Variants in LAMP1 observed in about 807,000 individuals in gnomAD.
LAMP1 encodes lysosome-associated membrane glycoprotein 1.
Under a neutral mutation model 37.5 loss-of-function variants are expected in LAMP1, and 7 were observed. The ratio of observed to expected loss-of-function variants is 0.19; its 90% CI spans 0.11 to 0.35. The LOEUF is 0.35. LAMP1 is among the 10% of genes least tolerant of loss of function. The probability of loss-of-function intolerance (pLI) is 1.00; values close to 1 mark genes in which losing one functional copy is unlikely to be tolerated. For missense variants in LAMP1, 537 were observed against 552.8 expected, an observed-to-expected ratio of 0.97 and a Z score of 0.29; for synonymous variants, 236 against 229.1, an observed-to-expected ratio of 1.03 and a Z score of -0.27.
intron 4 of LAMP1, 66 bp from the exon 5 acceptor site, chr13:113,319,403 A>C: frequency 2.8e-6 from 4 of 1,409,478 alleles, no homozygotes; most frequent in Non-Finnish European, 3.9e-6. Flanking sequence ...CTGAGTTTGG[A>C]TCTTACTGTA....
Position 113,321,372 on chromosome 13 carries a change from C to A in LAMP1, c.877-32C>A, listed in dbSNP as rs368051812. ...TAAAGATCATCTTTCTATGAATCTG[C>A]TCCGTGATTAAAGATCATTTTTCTT... On this transcript the variant is annotated intron_variant, in intron 6 of 8. Coordinates refer to ENST00000332556, the MANE Select transcript of LAMP1 (RefSeq NM_005561.4). This position sits in a 1 kb window ranked among gnomAD's most constrained non-coding sequence, Gnocchi z 5.6. 73 of 1,545,370 alleles carry A rather than the reference C, an allele frequency of 4.7e-5. No homozygotes were observed. In the East Asian group the frequency reaches 1.4e-3, roughly 30 times the overall value.
chr13:113,315,121 G>A (rs557792435), intron 4 of LAMP1, among the ~76,000 whole-genome samples: 3 of 136,916 alleles, frequency 2.2e-5, no homozygotes, highest in South Asian at 2.3e-4. Flanking sequence ...GTGTGCCTGG[G>A]GCGTGGCCTC....
At chr13:113,318,794 G>A (rs1184038403) in intron 4 of LAMP1, among the ~76,000 whole-genome samples, 1 of 151,508 alleles carries the variant, frequency 6.6e-6, no homozygotes, top group East Asian at 1.9e-4. Context: ...ATCCCCCACA[G>A]CCCCCTCCCC....
chr13:113,317,676 A>T (rs2042673820), intron 4 of LAMP1, among the ~76,000 whole-genome samples: 1 of 149,770 alleles, frequency 6.7e-6, no homozygotes, highest in Non-Finnish European at 1.5e-5. Flanking sequence ...GTAACATTTT[A>T]TAAAGGAACC....
intron 4 of LAMP1, among the ~76,000 whole-genome samples, chr13:113,316,125 G>A (rs2042662437): frequency 6.6e-6 from 1 of 152,100 alleles, no homozygotes; most frequent in Non-Finnish European, 1.5e-5. Context: ...ACAAAGTAGG[G>A]CAGATGACTG....
Position 113,306,565 on chromosome 13 carries a change from G to T in LAMP1, c.142G>T (p.Ala48Ser), listed in dbSNP as rs767939299. Residue 48 changes from alanine to serine, a missense_variant, in exon 2 of 9, where the codon GCT becomes TCT. Coordinates refer to ENST00000332556, the MANE Select transcript of LAMP1 (RefSeq NM_005561.4). ...CGCGTGCATAATGGCCAACTTCTCTGCTGCCTTCTCAGTGAACTACGACAC... is the reference window on the plus strand; with the variant it reads ...CGCGTGCATAATGGCCAACTTCTCTTCTGCCTTCTCAGTGAACTACGACAC... The part of the protein sequence containing the change: ...GTACIMANFS[A>S]AFSVNYDTKS... 2 of 1,614,100 alleles carry T rather than the reference G, an allele frequency of 1.2e-6. No homozygotes were observed. Among genetic ancestry groups the T allele is most frequent in the South Asian group, 2.2e-5 (2 of 91,066 alleles).
intron 4 of LAMP1, among the ~76,000 whole-genome samples, chr13:113,316,883 AAAAAAG>A (rs1013183310): frequency 2.0e-5 from 3 of 152,118 alleles, no homozygotes; most frequent in Non-Finnish European, 2.9e-5. Context: ...CAAAAAAAAA[AAAAAAG>A]AACTACCATC....
intron 4 of LAMP1, among the ~76,000 whole-genome samples, chr13:113,319,087 G>A (rs535273574): frequency 6.3e-4 from 96 of 152,326 alleles, no homozygotes; most frequent in African/African-American, 2.2e-3. Context: ...AGCTTCCTGC[G>A]TCCACTCCTT....
intron 1 of LAMP1, chr13:113,306,281 T>G (rs1467701166): frequency 2.5e-6 from 1 of 393,000 alleles, no homozygotes; most frequent in Non-Finnish European, 4.6e-6. Flanking sequence ...TGCTTGAACC[T>G]GGGAGGTGGA....
rs780920291 is a variant in LAMP1 at position 113,320,366 on chromosome 13, A to G, written c.772A>G (p.Ile258Val). 86 of 1,613,978 alleles carry G rather than the reference A, an allele frequency of 5.3e-5. No individual in the cohort carries two copies. The highest frequency in any genetic ancestry group is 7.2e-5 in the Non-Finnish European group (85 of 1,180,022). ...DNTTVTRLLNINPNKTSASGS... is the reference protein window; with the variant it reads ...DNTTVTRLLNVNPNKTSASGS... ...GCAGACGGTGACAAGGCTTCTCAAC[A>G]TCAACCCCAACAAGACCTCGGCCAG... Residue 258 changes from isoleucine (I) to valine (V), a missense_variant, in exon 6 of 9, where the codon ATC becomes GTC. By Grantham distance (29) the Ile-to-Val change is conservative. Coordinates refer to ENST00000332556, the MANE Select transcript of LAMP1 (RefSeq NM_005561.4). This position sits in a 1 kb window ranked among gnomAD's most constrained non-coding sequence, Gnocchi z 4.4.
chr13:113,303,097 A>G (rs2042582207), intron 1 of LAMP1, among the ~76,000 whole-genome samples: 1 of 152,248 alleles, frequency 6.6e-6, no homozygotes, highest in Non-Finnish European at 1.5e-5. Context: ...AGCTGGCGTC[A>G]GTGCCGGGCA....
At chr13:113,317,684 A>G (rs1231029492) in intron 4 of LAMP1, among the ~76,000 whole-genome samples, 1 of 148,958 alleles carries the variant, frequency 6.7e-6, no homozygotes, top group East Asian at 2.0e-4. Flanking sequence ...TTATAAAGGA[A>G]CCGTGAAGCT....
rs370899258 is a variant in LAMP1 at position 113,322,359 on chromosome 13, A to G, written c.1192A>G (p.Ile398Val). Reference protein sequence around the residue: ...VGGALAGLVLIVLIAYLVGRK... With the variant: ...VGGALAGLVLVVLIAYLVGRK... Reference sequence around the variant, plus strand: ...TGGTGCCCTGGCGGGGCTGGTCCTCATCGTCCTCATCGCCTACCTCGTCGG... The same window carrying G: ...TGGTGCCCTGGCGGGGCTGGTCCTCGTCGTCCTCATCGCCTACCTCGTCGG... Residue 398 changes from isoleucine (I) to valine (V), a missense_variant, in exon 9 of 9, where the codon ATC becomes GTC. Physicochemically the swap from Ile to Val is conservative, Grantham distance 29 (BLOSUM62 3). Transcript: ENST00000332556. 1.5e-5 allele frequency: 24 copies of G among 1,601,784 alleles called. No homozygotes were observed. Among genetic ancestry groups the G allele is most frequent in the Non-Finnish European group, 8.5e-6 (10 of 1,173,666 alleles).
Position 113,306,500 on chromosome 13 carries a change from C to T in LAMP1, c.77C>T (p.Ala26Val), listed in dbSNP as rs199700645. ...LLLLLGLMHC[A>V]SAAMFMVKNG... ...GAATTGACAGGCCTCATGCATTGTG[C>T]GTCAGCAGCAATGTTTATGGTGAAA... Residue 26 changes from alanine to valine, a missense_variant, in exon 2 of 9, where the codon GCG becomes GTG. Physicochemically the swap from Ala to Val is moderately conservative, Grantham distance 64 (BLOSUM62 0). Transcript: ENST00000332556. 3.4e-4 allele frequency: 547 copies of T among 1,613,722 alleles called. No homozygotes were observed. The highest frequency in any genetic ancestry group is 4.4e-4 in the Non-Finnish European group (523 of 1,179,840).
intron 3 of LAMP1, 34 bp from the exon 4 acceptor site, chr13:113,310,675 T>C: frequency 2.1e-6 from 3 of 1,436,502 alleles, no homozygotes; most frequent in Non-Finnish European, 2.8e-6. Context: ...CTGCAAGTAG[T>C]TTGCAATTGT....
chr13:113,317,170 T>TG (rs1442990599), intron 4 of LAMP1, among the ~76,000 whole-genome samples: 1 of 152,170 alleles, frequency 6.6e-6, no homozygotes, highest in Non-Finnish European at 1.5e-5. Flanking sequence ...GGCTGTGTGC[T>TG]GCTCTCCGGA....
At chr13:113,317,799 T>G (rs7986506) in intron 4 of LAMP1, among the ~76,000 whole-genome samples, 4 of 150,820 alleles carry the variant, frequency 2.7e-5, no homozygotes, top group Non-Finnish European at 5.9e-5. Flanking sequence ...TGACCCTCCC[T>G]AGTCAGCCTT....
chr13:113,309,431 C>T (rs897887658), intron 2 of LAMP1, among the ~76,000 whole-genome samples: 1 of 152,112 alleles, frequency 6.6e-6, no homozygotes, highest in African/African-American at 2.4e-5. Context: ...ATTATTAAGC[C>T]AACTTTCTCT....
chr13:113,322,070 AGACGGGG>A, intron 8 of LAMP1: 1 of 597,082 alleles, frequency 1.7e-6, no homozygotes, highest in East Asian at 2.8e-5. Context: ...CCCTGATTCC[AGACGGGG>A]GAGAGACGTG....
Sources: allele counts gnomAD v4.1 joint callset (sites outside exome capture counted in the v4.1 genomes callset), GRCh38; gene constraint gnomAD v4.1.1; non-coding constraint Gnocchi (gnomAD v3.1); transcripts MANE v1.5; gene names NCBI Gene and HGNC (gene_info 2026-07-23, HGNC 2026-07-21).